The following ALDH1L1 variants were observed in gnomAD, a reference collection of about 807,000 sequenced individuals.
ALDH1L1 encodes the protein aldehyde dehydrogenase 1 family member L1, also known as cytosolic 10-formyltetrahydrofolate dehydrogenase.
ALDH1L1 carries 68 observed loss-of-function variants against 101.1 expected under a neutral mutation model. The ratio of observed to expected loss-of-function variants is 0.67; its 90% CI spans 0.55 to 0.82. The LOEUF (loss-of-function observed/expected upper bound fraction) is 0.82, where lower values mean the gene tolerates loss of function less well. Among genes scored for constraint, ALDH1L1 ranks in the 40% least tolerant of loss-of-function variants. The pLI is 0.00. For synonymous variants in ALDH1L1, 486 were observed against 470.8 expected (o/e 1.03, Z -0.42); for missense variants, 1,087 against 1,172.7 (o/e 0.93, Z 1.07).
intron 12 of ALDH1L1, among the ~76,000 whole-genome samples, chr3:126,134,010 C>T (rs1346345054): frequency 6.6e-6 from 1 of 152,234 alleles, no homozygotes; most frequent in East Asian, 1.9e-4. Flanking sequence ...CCCTCTGGAT[C>T]CTTCTTCCTA....
In ALDH1L1 at chr3:126,122,739, C is replaced by T. The variant is rs143133237; in HGVS notation, c.1888+1625G>A. ...TTGTACATTTCACTGGGATTAAGTT[C>T]GTATAAATCTGAAGTTGATTTTGAT... On this transcript the variant is annotated intron_variant, in intron 16 of 22. Transcript: ENST00000393434. 5.6e-3 allele frequency among the ~76,000 whole-genome samples: 846 copies of T among 152,236 alleles called. 7 individuals carry two copies. The highest frequency in any genetic ancestry group is 0.019 in the African/African-American group (771 of 41,526).
intron 9 of ALDH1L1, 134 bp from the exon 10 acceptor site, chr3:126,138,094 A>C: frequency 8.7e-7 from 1 of 1,153,812 alleles, no homozygotes; most frequent in Non-Finnish European, 1.2e-6. Flanking sequence ...TGAGCCCAGA[A>C]CTGGGGAGAA....
In ALDH1L1 at chr3:126,136,909, C is replaced by T; in HGVS notation, c.1225-26G>A. ...CTGAAAGAAAGGCCCCAGTGACAAGCACAAACCCATGCAGGGTGCAGGAAG... is the reference window on the plus strand; with the variant it reads ...CTGAAAGAAAGGCCCCAGTGACAAGTACAAACCCATGCAGGGTGCAGGAAG... On this transcript the variant is annotated intron_variant, in intron 10 of 22. Transcript: ENST00000393434. 3.1e-6 allele frequency: 5 copies of T among 1,613,026 alleles called. No individual in the cohort carries two copies. The South Asian group carries it at 5.5e-5, about 18-fold the overall frequency.
chr3:126,149,429 G>T (rs62265231), intron 8 of ALDH1L1, among the ~76,000 whole-genome samples: 18,681 of 152,248 alleles, frequency 0.12, 1,268 homozygotes, highest in East Asian at 0.22. Context: ...CTCATCCCCA[G>T]AGCCACTCAG....
intron 22 of ALDH1L1, chr3:126,105,284 C>G: frequency 3.5e-6 from 1 of 285,896 alleles, no homozygotes; most frequent in Non-Finnish European, 6.9e-6. Flanking sequence ...CTCAGGCCTT[C>G]TCTCCTCCCT....
intron 18 of ALDH1L1, among the ~76,000 whole-genome samples, 193 bp downstream of exon 18, chr3:126,114,364 G>T (rs549015592): frequency 4.7e-4 from 71 of 152,266 alleles, no homozygotes; most frequent in African/African-American, 1.6e-3. Context: ...AAACTTCTTG[G>T]GAAGTATGTT....
chr3:126,130,384 G>A, intron 13 of ALDH1L1, 91 bp from the exon 14 acceptor site: 2 of 1,232,500 alleles, frequency 1.6e-6, no homozygotes, highest in East Asian at 2.8e-5. Flanking sequence ...TCTCCAGGAG[G>A]AAGTCAAAGC....
rs181409142 is a variant in ALDH1L1 at position 126,196,156 on chromosome 3, T to C, written c.-24+1579A>G. Among the ~76,000 whole-genome samples the C allele has an allele frequency of 2.4e-3, 360 of 152,200 alleles. 2 individuals carry two copies. Among genetic ancestry groups the C allele is most frequent in the South Asian group, 4.2e-3 (20 of 4,816 alleles). ...ACCCAGTAGTTTCTATGTCTCTTAATTGGATTACTGGGTTTAGGGTAGAGT... is the reference window on the plus strand; with the variant it reads ...ACCCAGTAGTTTCTATGTCTCTTAACTGGATTACTGGGTTTAGGGTAGAGT... On this transcript the variant is annotated intron_variant, in intron 1 of 2. Transcript: ENST00000509952.
Position 126,160,964 on chromosome 3 carries a change from T to A in ALDH1L1, c.16A>T (p.Ile6Phe), listed in dbSNP as rs2081036009. The stretch of plus-strand genomic sequence containing the variant: ...TCCTGGCCAAACAGGCTCTGTCCAA[T>A]CACTGCAATCTTCATGGTAGCAGGA... MKIAV[I>F]GQSLFGQEVY... The change falls in exon 2 of 23, where the codon ATT (isoleucine) becomes TTT (phenylalanine). Residue 6 changes from isoleucine (I) to phenylalanine (F), a missense_variant. Ile to Phe is a conservative substitution (Grantham distance 21). Around this residue, in one of 2 missense-constraint regions of ALDH1L1, gnomAD observed 645 missense variants for 637.0 expected, o/e 1.01. Transcript: ENST00000393434. 1.2e-6 allele frequency: 2 copies of A among 1,614,186 alleles called. No individual in the cohort carries two copies.
At chr3:126,180,762 G>T, upstream of ALDH1L1, 5 of 1,450,196 alleles carry the variant, frequency 3.4e-6, no homozygotes, top group Non-Finnish European at 4.5e-6. Flanking sequence ...ACCCCGCAGG[G>T]GCCTGCGCTC....
At position 126,178,054 on chromosome 3, in the gene ALDH1L1, C is replaced by A. The variant is rs1032790526; in HGVS notation, c.-24+2422G>T. On this transcript the variant is annotated intron_variant, in intron 1 of 22. Coordinates refer to ENST00000393434, the MANE Select transcript of ALDH1L1 (RefSeq NM_012190.4). ...CAAGACTGTTTCAAAAAGAAAAAAGCTGTAACAAAAATATCCTATCAATGC... is the reference window on the plus strand; with the variant it reads ...CAAGACTGTTTCAAAAAGAAAAAAGATGTAACAAAAATATCCTATCAATGC... Among the ~76,000 whole-genome samples the A allele has an allele frequency of 2.1e-5, 3 of 142,864 alleles. No individual in the cohort carries two copies. The Admixed American group carries it at 2.1e-4, about 10-fold the overall frequency. The allele number at this position is 142,864 out of a possible 152,430, so 93.7% of individuals were successfully genotyped here.
rs763920709 is a variant in ALDH1L1 at position 126,143,024 on chromosome 3, G to A, written c.1076+3811C>T. On this transcript the variant is annotated intron_variant, in intron 9 of 22. Transcript: ENST00000393434. ...TATACCTAACATACTGAACATCAGC[G>A]CTTAGCCTAGGCTACCTTAAATGTT... Among the ~76,000 whole-genome samples the A allele has an allele frequency of 2.8e-4, 43 of 152,128 alleles. 1 individual carries two copies. The highest frequency in any genetic ancestry group is 2.6e-4 in the Admixed American group (4 of 15,272).
Position 126,188,158 on chromosome 3 carries a change from A to G in ALDH1L1, c.-24+9577T>C, listed in dbSNP as rs1036517429. Reference sequence around the variant, plus strand: ...TCAGATATTTGTGACATGAGTATACATTTGATCCTTGGACAACGCAGGTTG... The same window carrying G: ...TCAGATATTTGTGACATGAGTATACGTTTGATCCTTGGACAACGCAGGTTG... On this transcript the variant is annotated intron_variant, in intron 1 of 2. Transcript: ENST00000509952. Among the ~76,000 whole-genome samples the G allele has an allele frequency of 5.9e-5, 9 of 152,366 alleles. No homozygotes were observed. In the South Asian group the frequency reaches 1.7e-3, roughly 28 times the overall value.
intron 20 of ALDH1L1, among the ~76,000 whole-genome samples, chr3:126,107,564 CTT>C (rs1164289483): frequency 6.6e-6 from 1 of 152,270 alleles, no homozygotes; most frequent in Non-Finnish European, 1.5e-5. Flanking sequence ...GAAGCAAAGA[CTT>C]GAGCTTTTCT....
chr3:126,183,616 A>C (rs192214199), upstream of ALDH1L1, among the ~76,000 whole-genome samples: 1 of 152,310 alleles, frequency 6.6e-6, no homozygotes, highest in Admixed American at 6.5e-5. Context: ...ATTGCCGTAC[A>C]CTAGTTACTC....
intron 18 of ALDH1L1, among the ~76,000 whole-genome samples, chr3:126,113,710 G>C (rs181160932): frequency 6.6e-5 from 10 of 152,298 alleles, no homozygotes; most frequent in African/African-American, 2.2e-4. Flanking sequence ...CACCCTCCAC[G>C]GCACAGTGGA....
chr3:126,107,185 C>T lies in ALDH1L1; in HGVS notation c.2409G>A (p.Glu803=). The change falls in exon 21 of 23, where the codon GAG becomes GAA. Residue 803 remains glutamate (E), a synonymous_variant. Coordinates refer to ENST00000393434, the MANE Select transcript of ALDH1L1 (RefSeq NM_012190.4). ...DVEDHMFIAK[E]ESFGPVMIIS... ...TGATCATGACAGGCCCGAAGGACTC[C>T]TCCTTGGCTATGAACATGTGGTCTT... The T allele has an allele frequency of 6.2e-7, 1 of 1,614,206 alleles. No individual in the cohort carries two copies. Among genetic ancestry groups the T allele is most frequent in the East Asian group, 2.2e-5 (1 of 44,876 alleles).
In ALDH1L1 at chr3:126,178,409, A is replaced by G. The variant is rs1470527100; in HGVS notation, c.-24+2067T>C. On this transcript the variant is annotated intron_variant, in intron 1 of 22. Coordinates refer to ENST00000393434, the MANE Select transcript of ALDH1L1 (RefSeq NM_012190.4). ...AAAAAAAAAAAAGAAAAAAAAAAAA[A>G]GAAAGGAAAAGAATAGAAAGAAAAA... Among the ~76,000 whole-genome samples, 7 of 148,226 alleles carry G rather than the reference A, an allele frequency of 4.7e-5. No individual in the cohort carries two copies. The South Asian group carries it at 1.3e-3, about 27-fold the overall frequency.
intron 12 of ALDH1L1, among the ~76,000 whole-genome samples, chr3:126,134,366 G>A (rs140478181): frequency 3.9e-5 from 6 of 152,336 alleles, no homozygotes; most frequent in African/African-American, 1.2e-4. Flanking sequence ...CCCCACGCAC[G>A]CTGTTGGTTG....
Sources: gnomAD v4.1 joint callset for allele counts (sites outside exome capture counted in the v4.1 genomes callset) on GRCh38, gnomAD v4.1.1 for gene constraint, gnomAD v4.1.1 regional missense constraint, MANE v1.5 for transcripts, NCBI Gene and HGNC (gene_info 2026-07-23, HGNC 2026-07-21) for gene names.